The following CSMD1 variants were observed in gnomAD, a reference collection of about 807,000 sequenced individuals.
CSMD1 encodes CUB and Sushi multiple domains 1, also known as CUB and sushi domain-containing protein 1.
Under a neutral mutation model 417.5 loss-of-function variants are expected in CSMD1, and 213 were observed. The ratio of observed to expected loss-of-function variants is 0.51; its 90% CI spans 0.46 to 0.57. The LOEUF is 0.57. Ranked by LOEUF, CSMD1 falls within the 20% of genes least tolerant of loss-of-function variation. The pLI is 0.00. For missense variants in CSMD1, 6,923 were observed against 4,529.7 expected (o/e 1.53, Z -15.17); for synonymous variants, 2,862 against 1,736.8 (o/e 1.65, Z -16.11).
In CSMD1 at chr8:4,226,066, GGACACA is replaced by G. The variant is rs1228502118; in HGVS notation, c.415+193881_415+193886del. On this transcript the variant is annotated intron_variant, in intron 3 of 69. Coordinates refer to ENST00000635120, the MANE Select transcript of CSMD1 (RefSeq NM_033225.6). ...AGCTGGAAGGTTAGAGCTGACAGGCGGACACACACACACACACACACACACACACAC... is the reference window on the plus strand; with the variant it reads ...AGCTGGAAGGTTAGAGCTGACAGGCGCACACACACACACACACACACACAC... Among the ~76,000 whole-genome samples the G allele has an allele frequency of 8.7e-5, 6 of 69,136 alleles. No homozygotes were observed. The East Asian group carries it at 2.5e-3, about 29-fold the overall frequency. The allele number at this position is 69,136 out of a possible 152,430, so 45.4% of individuals were successfully genotyped here. A position where few individuals can be genotyped will look rare whatever the true frequency, so the allele number is the denominator to read the frequency against.
At chr8:3,460,652 G>T (rs775775451) in intron 12 of CSMD1, among the ~76,000 whole-genome samples, 9 of 152,252 alleles carry the variant, frequency 5.9e-5, no homozygotes, top group Non-Finnish European at 8.8e-5. Context: ...TTACTAGACG[G>T]AACTGACCGA....
chr8:3,059,554 C>G (rs1296830863), intron 49 of CSMD1, among the ~76,000 whole-genome samples: 1 of 152,068 alleles, frequency 6.6e-6, no homozygotes, highest in Non-Finnish European at 1.5e-5. Context: ...AGGCATGTAG[C>G]TTATAGGAGG....
At chr8:4,003,494 G>A (rs925547092) in intron 4 of CSMD1, among the ~76,000 whole-genome samples, 18 of 151,936 alleles carry the variant, frequency 1.2e-4, no homozygotes, top group African/African-American at 3.4e-4. Flanking sequence ...GATTTTAAAT[G>A]GCAATTTAAA....
chr8:4,451,483 C>G (rs1321533526), intron 2 of CSMD1, among the ~76,000 whole-genome samples: 1 of 152,082 alleles, frequency 6.6e-6, no homozygotes, highest in Non-Finnish European at 1.5e-5. Flanking sequence ...TAAAGCTTAC[C>G]CATAGAGAAA....
chr8:3,471,449 C>G (rs1563070829), intron 11 of CSMD1, among the ~76,000 whole-genome samples: 1 of 152,122 alleles, frequency 6.6e-6, no homozygotes, highest in African/African-American at 2.4e-5. Flanking sequence ...AGTTGCAGGG[C>G]TTTCTATATA....
rs565941195 is a variant in CSMD1, at chr8:4,333,657, A to G, written c.415+86296T>C. Among the ~76,000 whole-genome samples the G allele has an allele frequency of 1.6e-3, 249 of 152,274 alleles. 1 individual carries two copies. In the Middle Eastern group the frequency reaches 0.02, roughly 12 times the overall value. On this transcript the variant is annotated intron_variant, in intron 3 of 69. Transcript: ENST00000635120. ...CTAAATCTAGACACACTGAGAACAC[A>G]TCATTTTATAAGTGCTTTTCTACGA...
chr8:3,184,189 G>T (rs560979677), intron 36 of CSMD1, among the ~76,000 whole-genome samples: 5 of 152,124 alleles, frequency 3.3e-5, no homozygotes, highest in African/African-American at 9.6e-5. Context: ...TGGGATGTTC[G>T]TTCCTTCTCC....
At chr8:4,049,863 C>G (rs562981905) in intron 3 of CSMD1, among the ~76,000 whole-genome samples, 37 of 152,086 alleles carry the variant, frequency 2.4e-4, no homozygotes, top group Non-Finnish European at 4.3e-4. Flanking sequence ...TCACTAAAGT[C>G]TTATTGAATT....
rs150804193 is a variant in CSMD1, at chr8:4,508,850, G to C, written c.303-88785C>G. ...AATTTTAGTGGTTTTTTTTTGGAATGTAAGCTTTCTGGAAGCTTTTAGTAG... is the reference window on the plus strand; with the variant it reads ...AATTTTAGTGGTTTTTTTTTGGAATCTAAGCTTTCTGGAAGCTTTTAGTAG... On this transcript the variant is annotated intron_variant, in intron 2 of 69. Transcript: ENST00000635120. Among the ~76,000 whole-genome samples, 268 of 152,016 alleles carry C rather than the reference G, an allele frequency of 1.8e-3. 1 individual carries two copies. The highest frequency in any genetic ancestry group is 6.2e-3 in the African/African-American group (258 of 41,482).
At chr8:3,183,563 G>C (rs1282528652) in intron 36 of CSMD1, among the ~76,000 whole-genome samples, 1 of 129,020 alleles carries the variant, frequency 7.8e-6, no homozygotes, top group African/African-American at 3.1e-5. Flanking sequence ...CATCGAGTAG[G>C]TCTCTAACGC....
At chr8:4,423,617 G>C (rs1000804439) in intron 2 of CSMD1, among the ~76,000 whole-genome samples, 1 of 152,022 alleles carries the variant, frequency 6.6e-6, no homozygotes, top group Non-Finnish European at 1.5e-5. Flanking sequence ...ATAATGTAAA[G>C]ATATAGGTTA....
chr8:3,074,545 G>C (rs1243943215), intron 49 of CSMD1, among the ~76,000 whole-genome samples: 2 of 152,200 alleles, frequency 1.3e-5, no homozygotes, highest in Non-Finnish European at 2.9e-5. Flanking sequence ...CCGAAGATCA[G>C]TTTGACAAGA....
intron 26 of CSMD1, among the ~76,000 whole-genome samples, chr8:3,267,713 G>C (rs771918221): frequency 3.9e-5 from 6 of 152,214 alleles, no homozygotes; most frequent in Non-Finnish European, 5.9e-5. Flanking sequence ...GCTGACATCT[G>C]ATGTTTTGGG....
intron 3 of CSMD1, among the ~76,000 whole-genome samples, chr8:4,375,820 G>A (rs147422188): frequency 1.1e-3 from 166 of 152,230 alleles, no homozygotes; most frequent in Middle Eastern, 3.4e-3. Context: ...AGAGTTCAAT[G>A]TTTTTAAGCC....
chr8:4,785,637 G>C lies in CSMD1; in HGVS notation c.86-148079C>G, dbSNP rs148510964. On this transcript the variant is annotated intron_variant, in intron 1 of 69. Coordinates refer to ENST00000635120, the MANE Select transcript of CSMD1 (RefSeq NM_033225.6). ...GAACCTCAGCTCACACACAGACTCA[G>C]AGTCCCAGACTTTGCTTTTAGAGAA... Among the ~76,000 whole-genome samples the C allele has an allele frequency of 5.0e-3, 758 of 152,268 alleles. 2 individuals are homozygous for C. The highest frequency in any genetic ancestry group is 0.018 in the African/African-American group (734 of 41,552).
intron 1 of CSMD1, among the ~76,000 whole-genome samples, chr8:4,982,518 C>G (rs1209554025): frequency 6.6e-6 from 1 of 152,142 alleles, no homozygotes; most frequent in Non-Finnish European, 1.5e-5. Context: ...GCTCAAATCT[C>G]TTCTTCTGAT....
intron 49 of CSMD1, among the ~76,000 whole-genome samples, chr8:3,083,648 ATTTTTTTTTTTTTTTTTTT>A (rs34049524): frequency 0.01 from 139 of 13,488 alleles, 1 homozygote; most frequent in South Asian, 0.03. Flanking sequence ...ATATATATAT[ATTTTTTTTTTTTTTTTTTT>A]TTTTTTTTTT....
At chr8:4,238,317 C>G (rs964075670) in intron 3 of CSMD1, among the ~76,000 whole-genome samples, 2 of 152,316 alleles carry the variant, frequency 1.3e-5, no homozygotes, top group African/African-American at 4.8e-5. Context: ...CTTGGTCCTC[C>G]TCAGCATGTG....
At chr8:4,685,169 G>A (rs754129627) in intron 1 of CSMD1, among the ~76,000 whole-genome samples, 1 of 152,194 alleles carries the variant, frequency 6.6e-6, no homozygotes, top group Non-Finnish European at 1.5e-5. Flanking sequence ...AAACATAATG[G>A]ACAAGAAAGG....
Sources: allele counts gnomAD v4.1 joint callset (sites outside exome capture counted in the v4.1 genomes callset), GRCh38; gene constraint gnomAD v4.1.1; transcripts MANE v1.5; gene names NCBI Gene and HGNC (gene_info 2026-07-23, HGNC 2026-07-21).